AHNAK: variants seen among roughly 807,000 people sequenced by gnomAD.
AHNAK encodes AHNAK nucleoprotein, also known as neuroblast differentiation-associated protein AHNAK.
Under a neutral mutation model 37.8 loss-of-function variants are expected in AHNAK, and 23 were observed. The observed-to-expected ratio is 0.61, with a 90% CI of 0.44 to 0.86. The LOEUF is 0.86. Among genes scored for constraint, AHNAK ranks in the 40% least tolerant of loss-of-function variants. The pLI is 0.00. For missense variants in AHNAK, 7,411 were observed against 7,319.4 expected, an observed-to-expected ratio of 1.01 and a Z score of -0.46; for synonymous variants, 2,481 against 2,636.3, an observed-to-expected ratio of 0.94 and a Z score of 1.80.
chr11:62,469,202 A>C (rs1938978760), intron 5 of AHNAK, among the ~76,000 whole-genome samples: 1 of 151,918 alleles, frequency 6.6e-6, no homozygotes, highest in Non-Finnish European at 1.5e-5. Context: ...GCTTACTGCA[A>C]ACTCTGCCTC....
rs751918215 is a variant in AHNAK at position 62,518,803 on chromosome 11, C to G, written c.15614G>C (p.Gly5205Ala). The change falls in exon 5 of 5, where the codon GGA becomes GCA. Residue 5205 changes from glycine to alanine, a missense_variant. Gly to Ala is a moderately conservative substitution (Grantham distance 60, BLOSUM62 0). Coordinates refer to ENST00000378024, the MANE Select transcript of AHNAK (RefSeq NM_001620.3). ...GGGGACATCACCCTTTATCTTTGGT[C>G]CTTTCAAGTTTACATTCACATCAGG... Reference protein sequence around the residue: ...SIPDVNVNLKGPKIKGDVPSV... With the variant: ...SIPDVNVNLKAPKIKGDVPSV... The G allele has an allele frequency of 3.7e-6, 6 of 1,614,228 alleles. No homozygotes were observed. Among genetic ancestry groups the G allele is most frequent in the South Asian group, 2.2e-5 (2 of 91,086 alleles).
chr11:62,526,897 T>C lies in AHNAK; in HGVS notation c.7520A>G (p.His2507Arg), dbSNP rs1267463866. Residue 2507 changes from histidine (H) to arginine (R), a missense_variant, in exon 5 of 5, where the codon CAC becomes CGC. His to Arg is a conservative substitution (Grantham distance 29, BLOSUM62 0). Transcript: ENST00000378024. ...CATTTTCATCTTGGGCATCTTCAGG[T>C]GCCAGTCTGGAGCTTGGACATCGGG... ...NAPDVQAPDW[H>R]LKMPKMKMPK... 1 of 1,614,204 alleles carries C rather than the reference T, an allele frequency of 6.2e-7. No individual in the cohort carries two copies.
chr11:62,456,478 A>C (rs1938660952), intron 5 of AHNAK, among the ~76,000 whole-genome samples: 1 of 152,222 alleles, frequency 6.6e-6, no homozygotes, highest in Non-Finnish European at 1.5e-5. Flanking sequence ...TGACACTCAG[A>C]GAGGTTAATA....
Position 62,525,779 on chromosome 11 carries a change from C to T in AHNAK, c.8638G>A (p.Val2880Ile), listed in dbSNP as rs977436722. 3.1e-6 allele frequency: 5 copies of T among 1,613,306 alleles called. No homozygotes were observed. In the African/African-American group the frequency reaches 5.4e-5, roughly 17 times the overall value. ...GGACCCTGAACATTAACATCTGGGA[C>T]ATCAATGTCCACTTTGGGGCCTTTG... ...DLKGPKVDID[V>I]PDVNVQGPDW... is the part of the protein sequence containing the mutation. The change falls in exon 5 of 5, where the codon GTC (valine) becomes ATC (isoleucine). Residue 2880 changes from valine to isoleucine, a missense_variant. Transcript: ENST00000378024.
chr11:62,545,844 G>A (rs956428406), intron 1 of AHNAK, among the ~76,000 whole-genome samples: 18 of 152,162 alleles, frequency 1.2e-4, no homozygotes, highest in Admixed American at 1.0e-3. Flanking sequence ...GGGCCATCCC[G>A]CCCGGACGGG....
rs1368420690 is a variant in AHNAK, at chr11:62,528,496, C to T, written c.5921G>A (p.Gly1974Glu). The change falls in exon 5 of 5, where the codon GGG (glycine) becomes GAG (glutamate). Residue 1974 changes from glycine (G) to glutamate (E), a missense_variant. Coordinates refer to ENST00000378024, the MANE Select transcript of AHNAK (RefSeq NM_001620.3). ...ELECPDAKLK[G>E]PKFKMPEMHF... is the part of the protein sequence containing the mutation. ...CATCTCAGGCATCTTAAACTTGGGCCCTTTCAACTTTGCATCAGGACACTC... is the reference window on the plus strand; with the variant it reads ...CATCTCAGGCATCTTAAACTTGGGCTCTTTCAACTTTGCATCAGGACACTC... The T allele has an allele frequency of 1.9e-6, 3 of 1,612,518 alleles. No homozygotes were observed. The South Asian group carries it at 3.3e-5, about 18-fold the overall frequency.
At position 62,517,697 on chromosome 11, in the gene AHNAK, CT is replaced by C; in HGVS notation, c.16719del (p.Gly5575ValfsTer14). The C allele has an allele frequency of 3.1e-6, 5 of 1,614,192 alleles. No homozygotes were observed. Among genetic ancestry groups the C allele is most frequent in the Non-Finnish European group, 4.2e-6 (5 of 1,180,026 alleles). ...GPKIKGGADV[S>X]GGVSAPDISL... ...CTGATGTCTGGGGCACTGACACCCC[CT>C]GAAACATCCGCACCTCCTTTGATTT... On this transcript the variant is annotated frameshift_variant, in exon 5 of 5. Coordinates refer to ENST00000378024, the MANE Select transcript of AHNAK (RefSeq NM_001620.3). LOFTEE classifies it high-confidence loss of function.
At chr11:62,504,822 G>T (rs776325937) in intron 4 of AHNAK, among the ~76,000 whole-genome samples, 14 of 152,110 alleles carry the variant, frequency 9.2e-5, no homozygotes, top group Admixed American at 2.0e-4. Context: ...AGCTCCCAGA[G>T]GAGAAAGCAA....
chr11:62,447,085 T>A (rs1938435702), intron 5 of AHNAK, among the ~76,000 whole-genome samples: 1 of 152,062 alleles, frequency 6.6e-6, no homozygotes, highest in Non-Finnish European at 1.5e-5. Flanking sequence ...CCACACATAG[T>A]CCACTAAGTG....
Position 62,524,615 on chromosome 11 carries a change from C to G in AHNAK, c.9802G>C (p.Asp3268His). 1 of 1,614,156 alleles carries G rather than the reference C, an allele frequency of 6.2e-7. No homozygotes were observed. The highest frequency in any genetic ancestry group is 8.5e-7 in the Non-Finnish European group (1 of 1,180,030). Residue 3268 changes from aspartate to histidine, a missense_variant, in exon 5 of 5, where the codon GAC (aspartate) becomes CAC (histidine). By Grantham distance (81) the Asp-to-His change is moderately conservative. Transcript: ENST00000378024. The stretch of plus-strand genomic sequence containing the variant: ...AATTTGGCATCTGGGCCATGAATGT[C>G]AATATCTGGAGCATCTACATCTATC... The part of the protein sequence containing the change: ...PKIDVDAPDI[D>H]IHGPDAKLKG...
intron 5 of AHNAK, among the ~76,000 whole-genome samples, chr11:62,490,125 G>A (rs1163640032): frequency 6.6e-6 from 1 of 151,778 alleles, no homozygotes; most frequent in Non-Finnish European, 1.5e-5. Context: ...ATGCTTTCCA[G>A]TTGGCTCTCA....
chr11:62,511,497 C>T (rs1939911812), downstream of AHNAK, among the ~76,000 whole-genome samples: 3 of 152,114 alleles, frequency 2.0e-5, no homozygotes, highest in African/African-American at 7.2e-5. Context: ...CTCAAGTGAT[C>T]CACCCACCTC....
rs1940697122 is a variant in AHNAK, at chr11:62,530,523, G to A, written c.3894C>T (p.Ser1298=). ...PKVDVEVPDV[S]LEGPEGKLKG... The stretch of plus-strand genomic sequence containing the variant: ...TCAGCTTTCCTTCCGGGCCCTCAAG[G>A]CTCACATCTGGGACTTCAACATCCA... Residue 1298 remains serine (S), a synonymous_variant, in exon 5 of 5, where the codon AGC becomes AGT. Transcript: ENST00000378024. 1 of 1,606,534 alleles carries A rather than the reference G, an allele frequency of 6.2e-7. No homozygotes were observed. Among genetic ancestry groups the A allele is most frequent in the Admixed American group, 1.7e-5 (1 of 59,086 alleles).
rs1305002024 is a variant in AHNAK at position 62,527,029 on chromosome 11, T to C, written c.7388A>G (p.Lys2463Arg). 1.2e-6 allele frequency: 2 copies of C among 1,613,940 alleles called. No homozygotes were observed. Among genetic ancestry groups the C allele is most frequent in the African/African-American group, 2.7e-5 (2 of 74,916 alleles). ...CACATCCCCCTTGATTTTGGGTCCTTTGAGATTTAGATCAACATCAGGCAT... is the reference window on the plus strand; with the variant it reads ...CACATCCCCCTTGATTTTGGGTCCTCTGAGATTTAGATCAACATCAGGCAT... Reference protein sequence around the residue: ...ISMPDVDLNLKGPKIKGDVDV... With the variant: ...ISMPDVDLNLRGPKIKGDVDV... Residue 2463 changes from lysine to arginine, a missense_variant, in exon 5 of 5, where the codon AAA becomes AGA. By Grantham distance (26) the Lys-to-Arg change is conservative. Coordinates refer to ENST00000378024, the MANE Select transcript of AHNAK (RefSeq NM_001620.3).
rs1451351827 is a variant in AHNAK, at chr11:62,536,093, C to T, written c.6G>A (p.Glu2=). The change falls in exon 3 of 5, where the codon GAG becomes GAA. Residue 2 remains glutamate (E), a synonymous_variant. Transcript: ENST00000378024. The part of the protein sequence containing the change: M[E]KEETTRELLL... ...GCAGCTCCCGGGTTGTCTCCTCCTT[C>T]TCCATCTGGAATGAGGTGAGGAAAT... The T allele has an allele frequency of 1.3e-6, 2 of 1,580,624 alleles. No homozygotes were observed. The highest frequency in any genetic ancestry group is 1.7e-5 in the Admixed American group (1 of 57,392).
chr11:62,451,233 G>A (rs1201599369), intron 5 of AHNAK, among the ~76,000 whole-genome samples: 4 of 150,978 alleles, frequency 2.6e-5, no homozygotes, highest in Non-Finnish European at 5.9e-5. Flanking sequence ...AACATAATGT[G>A]TTTAGGAACC....
intron 5 of AHNAK, among the ~76,000 whole-genome samples, chr11:62,475,449 T>A (rs997176501): frequency 6.6e-6 from 1 of 152,034 alleles, no homozygotes; most frequent in Admixed American, 6.6e-5. Context: ...CACTTATAAG[T>A]GGGAGCTAAA....
intron 5 of AHNAK, among the ~76,000 whole-genome samples, chr11:62,450,955 C>T (rs1032943492): frequency 3.3e-5 from 5 of 152,174 alleles, no homozygotes; most frequent in Non-Finnish European, 5.9e-5. Context: ...CCTGTAATCG[C>T]GGCACTTTGG....
chr11:62,518,341 C>G lies in AHNAK; in HGVS notation c.16076G>C (p.Gly5359Ala). Residue 5359 changes from glycine to alanine, a missense_variant, in exon 5 of 5, where the codon GGG becomes GCG. Transcript: ENST00000378024. ...TCCCCTCAGTGTCACATCTGGTGCCCCAACGTTAAGCTTTGTTGTGGCATC... is the reference window on the plus strand; with the variant it reads ...TCCCCTCAGTGTCACATCTGGTGCCGCAACGTTAAGCTTTGTTGTGGCATC... ...GIDATTKLNV[G>A]APDVTLRGPS... 2 of 1,614,138 alleles carry G rather than the reference C, an allele frequency of 1.2e-6. No homozygotes were observed. Among genetic ancestry groups the G allele is most frequent in the Admixed American group, 1.7e-5 (1 of 60,014 alleles).
Sources: allele counts gnomAD v4.1 joint callset (sites outside exome capture counted in the v4.1 genomes callset), GRCh38; gene constraint gnomAD v4.1.1; transcripts MANE v1.5; gene names NCBI Gene and HGNC (gene_info 2026-07-23, HGNC 2026-07-21).